TMEM260: variants seen among roughly 807,000 people sequenced by gnomAD.
TMEM260 encodes transmembrane protein 260.
Under a neutral mutation model 88.9 loss-of-function variants are expected in TMEM260, and 82 were observed. That is an observed-to-expected ratio of 0.92 (90% CI 0.77 to 1.11). TMEM260 has a LOEUF of 1.11. Ranked by LOEUF, TMEM260 falls within the 50% of genes least tolerant of loss-of-function variation. The pLI is 0.00. For synonymous variants in TMEM260, 314 were observed against 309.3 expected (o/e 1.02, Z -0.16); for missense variants, 902 against 853.4 (o/e 1.06, Z -0.71).
At chr14:56,602,237 A>T (rs1886623031) in intron 3 of TMEM260, among the ~76,000 whole-genome samples, 1 of 152,286 alleles carries the variant, frequency 6.6e-6, no homozygotes, top group East Asian at 1.9e-4. Context: ...TTGAAGAAAC[A>T]TTTGAGAAAG....
intron 1 of TMEM260, among the ~76,000 whole-genome samples, chr14:56,583,990 T>TTGTGTGTGTGTGTGTGTG (rs10594077): frequency 9.6e-5 from 14 of 145,944 alleles, no homozygotes; most frequent in African/African-American, 3.3e-4. Flanking sequence ...ATCCAGCCTT[T>TTGTGTGTGTGTGTGTGTG]TGTGTGTGTG....
the TMEM260 span, among the ~76,000 whole-genome samples, chr14:56,657,029 C>T: frequency 2.0e-5 from 3 of 152,168 alleles, no homozygotes; most frequent in Non-Finnish European, 4.4e-5. Flanking sequence ...TCCTCTTCTT[C>T]CCAAACTTAG....
chr14:56,629,936 G>A (rs1888476936), intron 12 of TMEM260, among the ~76,000 whole-genome samples: 1 of 152,024 alleles, frequency 6.6e-6, no homozygotes, highest in Non-Finnish European at 1.5e-5. Flanking sequence ...AACTACTTGG[G>A]CAGCTGAGGT....
intron 3 of TMEM260, among the ~76,000 whole-genome samples, chr14:56,592,568 G>A (rs1259265523): frequency 6.6e-6 from 1 of 152,136 alleles, no homozygotes; most frequent in African/African-American, 2.4e-5. Context: ...AATACATGGT[G>A]TTGATTATAT....
At chr14:56,583,348 T>TG (rs924418274) in intron 1 of TMEM260, among the ~76,000 whole-genome samples, 28 of 152,304 alleles carry the variant, frequency 1.8e-4, no homozygotes, top group African/African-American at 6.7e-4. Context: ...CTTAAGTAAT[T>TG]GACTTAATCT....
At chr14:56,637,177 G>A (rs1406926216) in intron 15 of TMEM260, among the ~76,000 whole-genome samples, 2 of 152,204 alleles carry the variant, frequency 1.3e-5, no homozygotes, top group Non-Finnish European at 2.9e-5. Context: ...TCAGAAGTGT[G>A]AGATAATAAA....
At chr14:56,662,175 A>G in the TMEM260 span, among the ~76,000 whole-genome samples, 1 of 152,236 alleles carries the variant, frequency 6.6e-6, no homozygotes, top group African/African-American at 2.4e-5. Flanking sequence ...CTTCTCAGAT[A>G]GCTACTTTTC....
intron 6 of TMEM260, among the ~76,000 whole-genome samples, chr14:56,610,302 G>A (rs188741337): frequency 6.6e-6 from 1 of 151,944 alleles, no homozygotes; most frequent in African/African-American, 2.4e-5. Flanking sequence ...GTGCAGTGGC[G>A]CGATCTCAGC....
At chr14:56,642,189 A>G (rs1889647576) in intron 15 of TMEM260, among the ~76,000 whole-genome samples, 2 of 152,178 alleles carry the variant, frequency 1.3e-5, no homozygotes, top group African/African-American at 4.8e-5. Context: ...CTCCACCCCA[A>G]ATCAACAGAA....
intron 15 of TMEM260, among the ~76,000 whole-genome samples, chr14:56,642,793 A>T (rs1240302066): frequency 6.6e-6 from 1 of 152,238 alleles, no homozygotes; most frequent in East Asian, 1.9e-4. Flanking sequence ...AGACAGAAGA[A>T]TCAAACAGAT....
At chr14:56,629,944 GGTGGGAAGAT>G (rs1262967603) in intron 12 of TMEM260, among the ~76,000 whole-genome samples, 3 of 152,076 alleles carry the variant, frequency 2.0e-5, no homozygotes, top group Non-Finnish European at 4.4e-5. Context: ...GGGCAGCTGA[GGTGGGAAGAT>G]TGTTTGAATG....
Position 56,579,857 on chromosome 14 carries a change from C to A in TMEM260, c.-58C>A. 8.2e-7 allele frequency: 1 copy of A among 1,226,220 alleles called. No homozygotes were observed. Among genetic ancestry groups the A allele is most frequent in the Non-Finnish European group, 1.0e-6 (1 of 983,116 alleles). 76.0% of individuals were successfully genotyped at this position (1,226,220 alleles called of 1,614,324 possible). A position where few individuals can be genotyped will look rare whatever the true frequency, so the allele number is the denominator to read the frequency against. On this transcript the variant is annotated 5_prime_UTR_variant, in exon 1 of 16. Transcript: ENST00000261556. The stretch of plus-strand genomic sequence containing the variant: ...CGCTCGTCTCTCGGCTGGGGAGCTC[C>A]GTGTCGCACCGGGTTCTTGGGCTGG...
intron 3 of TMEM260, among the ~76,000 whole-genome samples, chr14:56,599,330 A>T (rs1886428137): frequency 2.0e-5 from 3 of 152,100 alleles, no homozygotes; most frequent in Non-Finnish European, 4.4e-5. Context: ...TTATTATTAT[A>T]ATAAAGCCTG....
chr14:56,585,943 T>C (rs1350129678), intron 3 of TMEM260, 31 bp downstream of exon 3: 3 of 1,605,212 alleles, frequency 1.9e-6, no homozygotes, highest in African/African-American at 2.7e-5. Flanking sequence ...AAATTAATTT[T>C]GAGCAGTTGG....
chr14:56,600,096 T>TATAAG lies in TMEM260; in HGVS notation c.345-3719_345-3718insATAAG, dbSNP rs766110732. Among the ~76,000 whole-genome samples, 318 of 152,316 alleles carry TATAAG rather than the reference T, an allele frequency of 2.1e-3. 1 individual carries two copies. Among genetic ancestry groups the TATAAG allele is most frequent in the Non-Finnish European group, 3.1e-3 (214 of 68,026 alleles). On this transcript the variant is annotated intron_variant, in intron 3 of 15. Transcript: ENST00000261556. The stretch of plus-strand genomic sequence containing the variant: ...TGAAATATGTGCATTTTAAGGAGCA[T>TATAAG]TCAGAGTTTGACTTATAAAAATCCT...
intron 4 of TMEM260, among the ~76,000 whole-genome samples, chr14:56,604,482 A>C (rs1385024492): frequency 6.6e-6 from 1 of 152,196 alleles, no homozygotes; most frequent in African/African-American, 2.4e-5. Context: ...ACTATCATCA[A>C]AATCACTTGA....
chr14:56,583,488 G>C (rs867298062), intron 1 of TMEM260, among the ~76,000 whole-genome samples: 63 of 152,206 alleles, frequency 4.1e-4, no homozygotes, highest in African/African-American at 1.3e-3. Context: ...GATGCTTTGT[G>C]TGTGGCCAGA....
At chr14:56,587,920 G>T (rs1048256037) in intron 3 of TMEM260, among the ~76,000 whole-genome samples, 4 of 151,994 alleles carry the variant, frequency 2.6e-5, no homozygotes, top group Non-Finnish European at 4.4e-5. Context: ...CAGCTGGCTT[G>T]TTACAATTTC....
chr14:56,613,171 G>C (rs1289353510), intron 7 of TMEM260: 5 of 151,868 alleles, frequency 3.3e-5, no homozygotes, highest in African/African-American at 4.8e-5. Context: ...CAAAATTTTG[G>C]AAGAAAATAG....
Sources: gnomAD v4.1 joint callset for allele counts (sites outside exome capture counted in the v4.1 genomes callset) on GRCh38, gnomAD v4.1.1 for gene constraint, MANE v1.5 for transcripts, NCBI Gene and HGNC (gene_info 2026-07-23, HGNC 2026-07-21) for gene names.